DNM1L: variants seen among roughly 807,000 people sequenced by gnomAD.
The protein encoded by DNM1L is dynamin-1-like protein.
In DNM1L, 33 loss-of-function variants were observed where a neutral mutation model predicts 92.8. That is an observed-to-expected ratio of 0.36 (90% CI 0.27 to 0.48). The LOEUF (loss-of-function observed/expected upper bound fraction) is 0.48. Ranked by LOEUF, DNM1L falls within the 20% of genes least tolerant of loss-of-function variation. The pLI, the probability that DNM1L is intolerant of heterozygous loss-of-function variation, is 0.99. For synonymous variants in DNM1L, 284 were observed against 305.0 expected (o/e 0.93, Z 0.72); for missense variants, 485 against 888.8 (o/e 0.55, Z 5.78).
chr12:32,700,366 C>T (rs1389008609), intron 1 of DNM1L, among the ~76,000 whole-genome samples: 6 of 152,090 alleles, frequency 3.9e-5, no homozygotes, highest in South Asian at 2.1e-4. Flanking sequence ...ATGATCTGCC[C>T]GCCTCAGCCT....
intron 1 of DNM1L, among the ~76,000 whole-genome samples, chr12:32,684,143 T>C (rs1450687062): frequency 6.6e-6 from 1 of 152,192 alleles, no homozygotes; most frequent in Non-Finnish European, 1.5e-5. Flanking sequence ...CCAAAATATT[T>C]TCATTACCTG....
At chr12:32,739,433 G>T (rs766847330) in intron 16 of DNM1L, among the ~76,000 whole-genome samples, 14 of 152,204 alleles carry the variant, frequency 9.2e-5, no homozygotes, top group Admixed American at 2.6e-4. Context: ...ATCCTTAAGA[G>T]TACAGAGGTT....
intron 1 of DNM1L, among the ~76,000 whole-genome samples, chr12:32,690,693 T>C (rs1358764094): frequency 6.6e-6 from 1 of 152,168 alleles, no homozygotes; most frequent in Non-Finnish European, 1.5e-5. Flanking sequence ...AACCATCTCA[T>C]AGAGTTGTTA....
At chr12:32,702,190 C>T (rs547250555) in intron 2 of DNM1L, among the ~76,000 whole-genome samples, 12 of 145,706 alleles carry the variant, frequency 8.2e-5, no homozygotes, top group Admixed American at 4.8e-4. Flanking sequence ...GCTGAGATCA[C>T]GCCACTGCAC....
intron 18 of DNM1L, among the ~76,000 whole-genome samples, chr12:32,741,672 T>C (rs557114635): frequency 6.6e-6 from 1 of 152,350 alleles, no homozygotes; most frequent in African/African-American, 2.4e-5. Flanking sequence ...AGACCACGTA[T>C]TTGAATGTGT....
intron 18 of DNM1L, among the ~76,000 whole-genome samples, chr12:32,741,388 C>G (rs1418378713): frequency 6.6e-6 from 1 of 152,162 alleles, no homozygotes; most frequent in African/African-American, 2.4e-5. Context: ...TGGGTTCAAG[C>G]GATTCTCCTG....
chr12:32,742,569 A>T lies in DNM1L; in HGVS notation c.1995-20A>T. The T allele has an allele frequency of 6.2e-7, 1 of 1,613,850 alleles. No homozygotes were observed. The highest frequency in any genetic ancestry group is 2.2e-5 in the East Asian group (1 of 44,844). On this transcript the variant is annotated intron_variant, in intron 18 of 19. Transcript: ENST00000549701. Reference sequence around the variant, plus strand: ...AGTAGAATTTTGGCTAAAATTCCATAATTTGGTTGTGTTTTGCAGTGTGCC... The same window carrying T: ...AGTAGAATTTTGGCTAAAATTCCATTATTTGGTTGTGTTTTGCAGTGTGCC...
intron 18 of DNM1L, among the ~76,000 whole-genome samples, chr12:32,742,348 C>T (rs1955365778): frequency 1.3e-5 from 2 of 152,224 alleles, no homozygotes; most frequent in African/African-American, 4.8e-5. Context: ...AAGCAGTCCA[C>T]CCGCGTCAGC....
intron 5 of DNM1L, among the ~76,000 whole-genome samples, chr12:32,712,649 C>CAAAAAAAAAAAAAA (rs59906286): frequency 3.4e-5 from 1 of 29,792 alleles, no homozygotes. Context: ...GACCCTGTCT[C>CAAAAAAAAAAAAAA]AAAAAAAAAA....
intron 1 of DNM1L, among the ~76,000 whole-genome samples, chr12:32,699,926 T>A (rs959260545): frequency 6.6e-6 from 1 of 152,048 alleles, no homozygotes; most frequent in African/African-American, 2.4e-5. Context: ...TATCTATGAA[T>A]GCTTAAAATC....
intron 5 of DNM1L, among the ~76,000 whole-genome samples, chr12:32,712,197 C>T (rs769834709): frequency 3.8e-4 from 58 of 152,156 alleles, no homozygotes; most frequent in Non-Finnish European, 1.2e-4. Context: ...AAAACTTCTC[C>T]AGTTCCTTGT....
intron 3 of DNM1L, 28 bp downstream of exon 3, chr12:32,707,441 A>G (rs1952970173): frequency 6.6e-7 from 1 of 1,510,536 alleles, no homozygotes; most frequent in East Asian, 2.3e-5. Context: ...TAATGAAGAA[A>G]TAATGTTGAA....
intron 14 of DNM1L, 198 bp downstream of exon 14, chr12:32,737,359 T>C: frequency 1.8e-6 from 1 of 554,524 alleles, no homozygotes; most frequent in Non-Finnish European, 3.2e-6. Context: ...TTCACTGACA[T>C]AAATGCTTAA....
chr12:32,700,702 C>T (rs1952666644), intron 1 of DNM1L, among the ~76,000 whole-genome samples: 1 of 152,026 alleles, frequency 6.6e-6, no homozygotes, highest in African/African-American at 2.4e-5. Flanking sequence ...GCTGTGATCA[C>T]ACCACTGCAC....
intron 6 of DNM1L, among the ~76,000 whole-genome samples, chr12:32,718,081 ATATTT>A (rs560338549): frequency 0.01 from 1,374 of 136,532 alleles, 23 homozygotes; most frequent in East Asian, 0.032. Flanking sequence ...TATACTATAC[ATATTT>A]TATATATATA....
intron 2 of DNM1L, among the ~76,000 whole-genome samples, chr12:32,705,056 T>C (rs1000137765): frequency 2.0e-5 from 3 of 149,126 alleles, no homozygotes; most frequent in Non-Finnish European, 4.4e-5. Flanking sequence ...CCCAGGCTGG[T>C]GTGCAGTGGC....
chr12:32,708,884 GAT>G (rs1242042654), intron 4 of DNM1L, among the ~76,000 whole-genome samples: 1 of 151,962 alleles, frequency 6.6e-6, no homozygotes, highest in Admixed American at 6.6e-5. Context: ...TATTTCAAGA[GAT>G]ATATATTATC....
intron 6 of DNM1L, among the ~76,000 whole-genome samples, chr12:32,714,365 C>T (rs535645029): frequency 2.0e-5 from 3 of 150,934 alleles, no homozygotes; most frequent in East Asian, 2.0e-4. Context: ...CTCTGCCTCC[C>T]GGGTTCACGC....
chr12:32,717,124 AT>A (rs1953425168), intron 6 of DNM1L, among the ~76,000 whole-genome samples: 2 of 128,454 alleles, frequency 1.6e-5, no homozygotes, highest in African/African-American at 5.8e-5. Context: ...TATATTTTAT[AT>A]ATATACCTAT....
Sources: allele counts gnomAD v4.1 joint callset (sites outside exome capture counted in the v4.1 genomes callset), GRCh38; gene constraint gnomAD v4.1.1; transcripts MANE v1.5; gene names NCBI Gene and HGNC (gene_info 2026-07-23, HGNC 2026-07-21).